KCNU1: variants seen among roughly 807,000 people sequenced by gnomAD.
KCNU1 encodes potassium channel subfamily U member 1.
In KCNU1, 93 loss-of-function variants were observed where a neutral mutation model predicts 126.8. The ratio of observed to expected loss-of-function variants is 0.73; its 90% confidence interval spans 0.62 to 0.87. The LOEUF (loss-of-function observed/expected upper bound fraction) is 0.87. KCNU1 is among the 40% of genes least tolerant of loss of function. KCNU1 has a pLI of 0.00. For missense variants in KCNU1, 1,330 were observed against 1,367.1 expected (o/e 0.97, Z 0.43); for synonymous variants, 523 against 494.2 (o/e 1.06, Z -0.77).
intron 2 of KCNU1, among the ~76,000 whole-genome samples, chr8:36,798,094 T>C (rs1323134102): frequency 6.6e-6 from 1 of 152,212 alleles, no homozygotes; most frequent in Non-Finnish European, 1.5e-5. Flanking sequence ...TTGTACTTGG[T>C]TCTTGTTTCC....
chr8:36,839,045 A>C (rs1387640588), intron 14 of KCNU1, among the ~76,000 whole-genome samples: 1 of 152,204 alleles, frequency 6.6e-6, no homozygotes. Flanking sequence ...CTATAAAATT[A>C]AAGTTATTAA....
chr8:36,795,458 G>T (rs1803061516), intron 2 of KCNU1: 1 of 152,448 alleles, frequency 6.6e-6, no homozygotes, highest in Admixed American at 6.5e-5. Flanking sequence ...AGGGGCACAG[G>T]GACTTGGTAG....
At chr8:36,849,115 T>G (rs1805252966) in intron 18 of KCNU1, among the ~76,000 whole-genome samples, 1 of 152,160 alleles carries the variant, frequency 6.6e-6, no homozygotes, top group Admixed American at 6.6e-5. Flanking sequence ...GAAGTCACTC[T>G]TCCTTCTCCT....
intron 19 of KCNU1, among the ~76,000 whole-genome samples, chr8:36,873,739 G>A (rs377563420): frequency 1.1e-4 from 16 of 152,256 alleles, no homozygotes; most frequent in South Asian, 8.3e-4. Flanking sequence ...AAGCACATGC[G>A]CAACGATCAG....
rs199503840 is a variant in KCNU1 at position 36,802,664 on chromosome 8, G to C, written c.316-1363G>C. On this transcript the variant is annotated intron_variant, in intron 2 of 26. Transcript: ENST00000399881. ...AGAACAGGCTTCACCGAAATCAAGG[G>C]AACCGCAAATGGGATGCTTAGCCAT... Among the ~76,000 whole-genome samples the C allele has an allele frequency of 4.6e-5, 7 of 152,222 alleles. No individual in the cohort carries two copies. In the East Asian group the frequency reaches 1.2e-3, roughly 25 times the overall value.
chr8:36,847,707 C>G (rs541318660), intron 18 of KCNU1, among the ~76,000 whole-genome samples: 125 of 152,278 alleles, frequency 8.2e-4, no homozygotes, highest in Middle Eastern at 6.8e-3. Flanking sequence ...TTTTCTTCAT[C>G]TATTTATCTT....
chr8:36,821,424 G>A (rs1804118940), intron 10 of KCNU1, among the ~76,000 whole-genome samples: 1 of 152,142 alleles, frequency 6.6e-6, no homozygotes, highest in South Asian at 2.1e-4. Context: ...ATGGTAAGCT[G>A]GCTGTTGGAG....
intron 2 of KCNU1, among the ~76,000 whole-genome samples, chr8:36,790,080 A>C (rs1235664584): frequency 5.4e-4 from 82 of 152,356 alleles, no homozygotes; most frequent in East Asian, 1.9e-4. Flanking sequence ...TTCAAGAGGC[A>C]CTAAAGGCTG....
intron 2 of KCNU1, among the ~76,000 whole-genome samples, chr8:36,790,299 T>C (rs1802857982): frequency 6.6e-6 from 1 of 152,086 alleles, no homozygotes; most frequent in Non-Finnish European, 1.5e-5. Context: ...AAAAGTTATT[T>C]TGATAAATGA....
At chr8:36,840,057 G>A (rs923989393) in intron 14 of KCNU1, among the ~76,000 whole-genome samples, 4 of 152,318 alleles carry the variant, frequency 2.6e-5, no homozygotes, top group Admixed American at 1.3e-4. Context: ...TAAATGGTTA[G>A]TAGAAAACTA....
chr8:36,856,364 G>A (rs1805528490), intron 18 of KCNU1, among the ~76,000 whole-genome samples: 1 of 152,120 alleles, frequency 6.6e-6, no homozygotes, highest in Non-Finnish European at 1.5e-5. Flanking sequence ...TACTTTGCAT[G>A]TCTCATATTT....
chr8:36,868,102 A>G (rs1244656153), intron 19 of KCNU1, among the ~76,000 whole-genome samples: 1 of 152,148 alleles, frequency 6.6e-6, no homozygotes, highest in Non-Finnish European at 1.5e-5. Context: ...TCCTTGAACA[A>G]ATATGTTCCA....
intron 18 of KCNU1, among the ~76,000 whole-genome samples, chr8:36,858,176 C>CAAAAAAAA (rs67265944): frequency 1.4e-5 from 1 of 73,034 alleles, no homozygotes; most frequent in Non-Finnish European, 2.4e-5. Context: ...TCAAGGATGG[C>CAAAAAAAA]AAAAAAAAAA....
At chr8:36,789,239 CCACCTACT>C (rs1802816897) in intron 2 of KCNU1, among the ~76,000 whole-genome samples, 1 of 152,026 alleles carries the variant, frequency 6.6e-6, no homozygotes, top group Admixed American at 6.6e-5. Context: ...ACCTGTGGTC[CCACCTACT>C]CAGGAGGCTG....
chr8:36,805,847 AC>A (rs1803479715), intron 4 of KCNU1, among the ~76,000 whole-genome samples: 2 of 152,124 alleles, frequency 1.3e-5, no homozygotes, highest in South Asian at 4.1e-4. Context: ...ATATATAAAA[AC>A]ATCTTATTTT....
intron 25 of KCNU1, 128 bp from the exon 26 acceptor site, chr8:36,932,792 C>G: frequency 1.6e-6 from 1 of 630,068 alleles, no homozygotes; most frequent in Middle Eastern, 2.5e-4. Flanking sequence ...GCAGTGCCAC[C>G]ACAAAGATAT....
intron 19 of KCNU1, among the ~76,000 whole-genome samples, chr8:36,878,878 A>G (rs1806365394): frequency 6.8e-6 from 1 of 147,952 alleles, no homozygotes; most frequent in Admixed American, 6.8e-5. Context: ...GTATATGTAT[A>G]TAAATATATA....
At chr8:36,807,982 T>C (rs932002781) in intron 6 of KCNU1, among the ~76,000 whole-genome samples, 1 of 152,192 alleles carries the variant, frequency 6.6e-6, no homozygotes, top group African/African-American at 2.4e-5. Context: ...GCAATACTTG[T>C]AAAATTTTGA....
At chr8:36,867,933 A>G (rs1368355498) in intron 19 of KCNU1, among the ~76,000 whole-genome samples, 1 of 152,146 alleles carries the variant, frequency 6.6e-6, no homozygotes, top group East Asian at 1.9e-4. Context: ...CCCCAAGTAG[A>G]CCAGAGATTG....
Sources: allele counts gnomAD v4.1 joint callset (sites outside exome capture counted in the v4.1 genomes callset), GRCh38; gene constraint gnomAD v4.1.1; transcripts MANE v1.5; gene names NCBI Gene and HGNC (gene_info 2026-07-23, HGNC 2026-07-21).